Variants in PLD5 observed in about 807,000 individuals in gnomAD.
PLD5 encodes phospholipase D family member 5.
PLD5 carries 36 observed loss-of-function variants against 61.1 expected under a neutral mutation model. The observed-to-expected ratio is 0.59, with a 90% CI of 0.45 to 0.78. The LOEUF is 0.78. Ranked by LOEUF, PLD5 falls within the 30% of genes least tolerant of loss-of-function variation. PLD5 has a pLI of 0.00. For missense variants in PLD5, 515 were observed against 644.4 expected (o/e 0.80, Z 2.17); for synonymous variants, 243 against 242.8 (o/e 1.00, Z -0.01).
Position 242,207,799 on chromosome 1 carries a change from TTTA to T in PLD5, c.735+12186_735+12188del, listed in dbSNP as rs1381412903. The stretch of plus-strand genomic sequence containing the variant: ...TTATATATATTTATATTTATATATA[TTTA>T]TATATATTTATATTTATATATTTAT... On this transcript the variant is annotated intron_variant, in intron 5 of 9. Coordinates refer to ENST00000536534, the MANE Select transcript of PLD5 (RefSeq NM_001372062.1). Among the ~76,000 whole-genome samples the T allele has an allele frequency of 7.1e-5, 7 of 98,128 alleles. 1 individual carries two copies. The highest frequency in any genetic ancestry group is 9.4e-5 in the Non-Finnish European group (5 of 53,236). The allele number at this position is 98,128 out of a possible 152,430, so 64.4% of individuals were successfully genotyped here.
chr1:242,419,937 G>A (rs1665046209), intron 1 of PLD5, among the ~76,000 whole-genome samples: 1 of 152,124 alleles, frequency 6.6e-6, no homozygotes, highest in Non-Finnish European at 1.5e-5. Context: ...ATGTTCTGAT[G>A]ATAAAAGTCA....
chr1:242,176,167 G>T (rs1667128427), intron 5 of PLD5, among the ~76,000 whole-genome samples: 1 of 152,112 alleles, frequency 6.6e-6, no homozygotes, highest in South Asian at 2.1e-4. Context: ...GAGGCATCAT[G>T]CTACCTGACT....
At chr1:242,129,756 A>G (rs1334344317) in intron 5 of PLD5, among the ~76,000 whole-genome samples, 1 of 152,296 alleles carries the variant, frequency 6.6e-6, no homozygotes, top group East Asian at 1.9e-4. Context: ...GATAGTATAC[A>G]TTGTACTCAT....
In PLD5 at chr1:242,524,519, C is replaced by CGGGCGGGGGCGG. The variant is rs1178408071; in HGVS notation, c.-255_-244dup. 1.4e-4 allele frequency: 3 copies of CGGGCGGGGGCGG among 20,926 alleles called. No individual in the cohort carries two copies. The highest frequency in any genetic ancestry group is 5.4e-4 in the African/African-American group (3 of 5,546). 1.3% of individuals were successfully genotyped at this position (20,926 alleles called of 1,614,324 possible). On this transcript the variant is annotated 5_prime_UTR_variant, in exon 1 of 10. Coordinates refer to ENST00000536534, the MANE Select transcript of PLD5 (RefSeq NM_001372062.1). ...GGGCGGAAGGAGGGAGGGCGAGGTG[C>CGGGCGGGGGCGG]GGGCGGGGGCGGGGGCGGGGGCGGA...
At chr1:242,302,316 T>C (rs1676100825) in intron 2 of PLD5, among the ~76,000 whole-genome samples, 2 of 152,250 alleles carry the variant, frequency 1.3e-5, no homozygotes, top group Admixed American at 1.3e-4. Flanking sequence ...ATTGGTTGCC[T>C]CTACAGACTC....
At chr1:242,090,462 AT>A (rs1659733548) in intron 9 of PLD5, among the ~76,000 whole-genome samples, 1 of 152,234 alleles carries the variant, frequency 6.6e-6, no homozygotes, top group African/African-American at 2.4e-5. Flanking sequence ...CCTGTGAGTA[AT>A]TACTACCTTC....
chr1:242,189,026 G>A (rs1011600031), intron 5 of PLD5, among the ~76,000 whole-genome samples: 1 of 152,206 alleles, frequency 6.6e-6, no homozygotes, highest in East Asian at 1.9e-4. Context: ...ATTGTCATAT[G>A]AAAAGAGAAG....
At chr1:242,425,323 A>C (rs10926733) in intron 1 of PLD5, among the ~76,000 whole-genome samples, 4,150 of 152,292 alleles carry the variant, frequency 0.027, 221 homozygotes, top group African/African-American at 0.095. Context: ...TGTAGCATGT[A>C]ACTGTCCTGA....
intron 4 of PLD5, among the ~76,000 whole-genome samples, chr1:242,231,853 A>G (rs1671323849): frequency 6.6e-6 from 1 of 152,092 alleles, no homozygotes. Context: ...TGACTAAAAA[A>G]CTAATGCAAG....
At chr1:242,175,178 T>G (rs1303529179) in intron 5 of PLD5, among the ~76,000 whole-genome samples, 3 of 152,130 alleles carry the variant, frequency 2.0e-5, no homozygotes, top group Non-Finnish European at 4.4e-5. Flanking sequence ...ATATCCCTGA[T>G]GAACATGGAT....
intron 5 of PLD5, among the ~76,000 whole-genome samples, chr1:242,150,993 C>T (rs915714517): frequency 4.0e-5 from 6 of 151,368 alleles, no homozygotes; most frequent in African/African-American, 1.5e-4. Flanking sequence ...GAGTTGTTGC[C>T]CTAGACTTTA....
intron 5 of PLD5, among the ~76,000 whole-genome samples, chr1:242,143,521 G>A (rs922726716): frequency 6.6e-6 from 1 of 152,214 alleles, no homozygotes; most frequent in African/African-American, 2.4e-5. Flanking sequence ...TCTTAAAACC[G>A]TATTTATAGT....
chr1:242,098,352 G>A (rs1051398868), intron 9 of PLD5, among the ~76,000 whole-genome samples: 8 of 152,010 alleles, frequency 5.3e-5, no homozygotes, highest in South Asian at 2.1e-4. Context: ...TGATCGAATC[G>A]GCTACTGAGG....
chr1:242,213,492 A>G (rs931227935), intron 5 of PLD5, among the ~76,000 whole-genome samples: 1 of 152,168 alleles, frequency 6.6e-6, no homozygotes, highest in East Asian at 1.9e-4. Context: ...CTTTGGAAAT[A>G]TCTTGGGTAC....
At chr1:242,357,522 G>A in intron 1 of PLD5, among the ~76,000 whole-genome samples, 1 of 140,286 alleles carries the variant, frequency 7.1e-6, no homozygotes, top group Non-Finnish European at 1.5e-5. Context: ...TTTTGCTCTT[G>A]TTGCCCAGGC....
intron 5 of PLD5, among the ~76,000 whole-genome samples, chr1:242,143,822 A>G (rs1439300721): frequency 1.3e-5 from 2 of 151,676 alleles, no homozygotes; most frequent in Non-Finnish European, 2.9e-5. Flanking sequence ...TTCAAATTTT[A>G]TATTTTATTT....
intron 4 of PLD5, among the ~76,000 whole-genome samples, chr1:242,235,027 G>C (rs942901804): frequency 5.9e-5 from 9 of 152,208 alleles, no homozygotes; most frequent in African/African-American, 2.2e-4. Context: ...GAGGAAGTAT[G>C]TTATAGAGTT....
intron 6 of PLD5, among the ~76,000 whole-genome samples, chr1:242,123,726 A>G (rs1298977920): frequency 6.6e-6 from 1 of 152,236 alleles, no homozygotes; most frequent in Non-Finnish European, 1.5e-5. Context: ...GGCATTGAAC[A>G]AAACGATGTT....
At chr1:242,431,575 A>G (rs1665722314) in intron 1 of PLD5, among the ~76,000 whole-genome samples, 2 of 152,234 alleles carry the variant, frequency 1.3e-5, no homozygotes, top group Admixed American at 6.5e-5. Context: ...CAGCTTATTT[A>G]CACATCTTCT....
Sources: gnomAD v4.1 joint callset for allele counts (sites outside exome capture counted in the v4.1 genomes callset) on GRCh38, gnomAD v4.1.1 for gene constraint, MANE v1.5 for transcripts, NCBI Gene and HGNC (gene_info 2026-07-23, HGNC 2026-07-21) for gene names.